Variants in SMARCA2 observed in about 807,000 individuals in gnomAD.
SMARCA2 encodes SWI/SNF-related matrix-associated actin-dependent regulator of chromatin subfamily A member 2.
A neutral mutation model predicts 199.8 loss-of-function variants in SMARCA2; 61 were observed. That is an observed-to-expected ratio of 0.31 (90% confidence interval 0.25 to 0.38). The LOEUF (loss-of-function observed/expected upper bound fraction) is 0.38, where lower values mean the gene tolerates loss of function less well. Among genes scored for constraint, SMARCA2 ranks in the 10% least tolerant of loss-of-function variants. The pLI is 1.00. For missense variants in SMARCA2, 1,344 were observed against 2,012.2 expected (o/e 0.67, Z 6.35); for synonymous variants, 935 against 732.0 (o/e 1.28, Z -4.48).
intron 29 of SMARCA2, among the ~76,000 whole-genome samples, chr9:2,174,924 CAAAAAAAAAAA>C (rs61327057): frequency 8.0e-5 from 5 of 62,320 alleles, no homozygotes; most frequent in African/African-American, 2.1e-4. Flanking sequence ...GACCCTCTCT[CAAAAAAAAAAA>C]AAAAAAAAAA....
Position 2,060,990 on chromosome 9 carries a change from C to T in SMARCA2, c.1692+4C>T, listed in dbSNP as rs369042406. 3.7e-6 allele frequency: 6 copies of T among 1,612,000 alleles called. No homozygotes were observed. The African/African-American group carries it at 5.3e-5, about 14-fold the overall frequency. ...GAAGAGGAGGAGGAGGAAGAAGGTGCGTATCCTAGTGGTGGTGGCTGAGTC... is the reference window on the plus strand; with the variant it reads ...GAAGAGGAGGAGGAGGAAGAAGGTGTGTATCCTAGTGGTGGTGGCTGAGTC... On this transcript the variant is annotated splice_donor_region_variant and intron_variant, in intron 9 of 33. Transcript: ENST00000349721.
chr9:2,157,895 G>A (rs1281039973), intron 27 of SMARCA2: 5 of 398,452 alleles, frequency 1.3e-5, no homozygotes, highest in Non-Finnish European at 2.2e-5. Context: ...TGGTTGGTGT[G>A]TGTCAGGATG....
chr9:2,186,618 C>T (rs560435066), intron 32 of SMARCA2, among the ~76,000 whole-genome samples: 1 of 152,274 alleles, frequency 6.6e-6, no homozygotes, highest in South Asian at 2.1e-4. Flanking sequence ...CTCCACCTCC[C>T]AGGTTCAAGT....
At chr9:2,090,822 G>A (rs1822022429) in intron 19 of SMARCA2, among the ~76,000 whole-genome samples, 1 of 151,844 alleles carries the variant, frequency 6.6e-6, no homozygotes, top group Admixed American at 6.6e-5. Context: ...TGGCTGGGCT[G>A]ATGTTCATTT....
At chr9:2,082,350 T>TGTGTGTGTGA (rs370220959) in intron 15 of SMARCA2, among the ~76,000 whole-genome samples, 89 of 140,740 alleles carry the variant, frequency 6.3e-4, no homozygotes, top group Middle Eastern at 3.7e-3. Context: ...TGTGTGTGTG[T>TGTGTGTGTGA]GATTTCTTTG....
intron 27 of SMARCA2, among the ~76,000 whole-genome samples, chr9:2,154,201 A>G (rs1042879110): frequency 1.3e-5 from 2 of 152,188 alleles, no homozygotes; most frequent in African/African-American, 4.8e-5. Flanking sequence ...TTAAATGACT[A>G]AATGTACCCA....
At chr9:2,160,059 G>A (rs1825582855) in intron 27 of SMARCA2, 2 of 944,732 alleles carry the variant, frequency 2.1e-6, no homozygotes, top group East Asian at 2.7e-5. Flanking sequence ...ACTGTTGACA[G>A]CCTTGCATGC....
At chr9:2,057,206 C>T (rs984996003) in intron 7 of SMARCA2, among the ~76,000 whole-genome samples, 2 of 152,242 alleles carry the variant, frequency 1.3e-5, no homozygotes, top group Admixed American at 6.5e-5. Context: ...AGGGTACTAG[C>T]ATGGCTGGGC....
chr9:2,064,102 C>T (rs759996734), intron 9 of SMARCA2, among the ~76,000 whole-genome samples: 12 of 152,128 alleles, frequency 7.9e-5, no homozygotes, highest in Admixed American at 3.3e-4. Flanking sequence ...TTTAGCGTGA[C>T]CTTGAGGTTT....
Position 2,016,098 on chromosome 9 carries a change from C to A in SMARCA2, c.-37+694C>A, listed in dbSNP as rs1381151932. 1 of 152,280 alleles carries A rather than the reference C, an allele frequency of 6.6e-6. No homozygotes were observed. The highest frequency in any genetic ancestry group is 1.5e-5 in the Non-Finnish European group (1 of 68,126). The allele number at this position is 152,280 out of a possible 1,614,324, so 9.4% of individuals were successfully genotyped here. A position where few individuals can be genotyped will look rare whatever the true frequency, so the allele number is the denominator to read the frequency against. On this transcript the variant is annotated intron_variant, in intron 1 of 33. Coordinates refer to ENST00000349721, the MANE Select transcript of SMARCA2 (RefSeq NM_003070.5). The surrounding 1 kb of genome is among the most constrained non-coding windows in gnomAD (Gnocchi z 5.6). ...CGTGAGCGGATCGCAGCGGGAGAAG[C>A]CTGAGCTGACGCGCGAAGGAGGTAG...
intron 4 of SMARCA2, chr9:2,044,136 A>G (rs748522820): frequency 1.3e-5 from 2 of 152,286 alleles, no homozygotes; most frequent in Admixed American, 6.5e-5. Flanking sequence ...ATAAAACCTA[A>G]TGAATGGGTA....
chr9:2,104,279 C>G lies in SMARCA2; in HGVS notation c.3292+110C>G. ...AGAAGGGGTAAAATTGAAGAATTGA[C>G]TAGAAGCATTGGGAGCAGTTTTTCT... On this transcript the variant is annotated intron_variant, in intron 23 of 33. Transcript: ENST00000349721. The surrounding 1 kb of genome is among the most constrained non-coding windows in gnomAD (Gnocchi z 4.0). 1 of 1,019,198 alleles carries G rather than the reference C, an allele frequency of 9.8e-7. No individual in the cohort carries two copies. Among genetic ancestry groups the G allele is most frequent in the Non-Finnish European group, 1.4e-6 (1 of 698,830 alleles). 63.1% of individuals were successfully genotyped at this position (1,019,198 alleles called of 1,614,324 possible). A position where few individuals can be genotyped will look rare whatever the true frequency, so the allele number is the denominator to read the frequency against.
At chr9:2,047,617 C>T in intron 5 of SMARCA2, 133 bp downstream of exon 5, 1 of 1,106,112 alleles carries the variant, frequency 9.0e-7, no homozygotes, top group Non-Finnish European at 1.2e-6. Flanking sequence ...AAACTTTCAT[C>T]CACTCCTGGG....
At chr9:2,075,210 T>A (rs1821269729) in intron 12 of SMARCA2, 1 of 152,648 alleles carries the variant, frequency 6.6e-6, no homozygotes, top group Non-Finnish European at 1.5e-5. Context: ...GAAGGAGTTG[T>A]GCCAAGGCCT....
At chr9:2,121,520 C>G (rs1211120498) in intron 26 of SMARCA2, among the ~76,000 whole-genome samples, 2 of 152,142 alleles carry the variant, frequency 1.3e-5, no homozygotes, top group Non-Finnish European at 2.9e-5. Context: ...TCTCTGCCAG[C>G]TACAGATTAA....
chr9:2,058,014 C>T (rs1820429965), intron 7 of SMARCA2: 2 of 253,886 alleles, frequency 7.9e-6, no homozygotes, highest in Non-Finnish European at 1.5e-5. Flanking sequence ...TTTCAGTCTT[C>T]GATCTTTCCA....
chr9:2,083,421 A>T lies in SMARCA2; in HGVS notation c.2415+8A>T. 6.3e-7 allele frequency: 1 copy of T among 1,585,194 alleles called. No individual in the cohort carries two copies. The highest frequency in any genetic ancestry group is 1.1e-5 in the South Asian group (1 of 88,446). On this transcript the variant is annotated splice_region_variant and intron_variant, in intron 16 of 33. Coordinates refer to ENST00000349721, the MANE Select transcript of SMARCA2 (RefSeq NM_003070.5). ...GTGAAGATTTCTTACAAGGTTTGGA[A>T]TGCTGTATTTATATATAAATGTGGA...
At chr9:2,128,840 C>A (rs1168281658) in intron 27 of SMARCA2, among the ~76,000 whole-genome samples, 1 of 152,152 alleles carries the variant, frequency 6.6e-6, no homozygotes, top group African/African-American at 2.4e-5. Context: ...GGCTTGGATT[C>A]TGAAGGGGGA....
At chr9:2,178,290 C>A (rs1191377857) in intron 29 of SMARCA2, among the ~76,000 whole-genome samples, 1 of 152,104 alleles carries the variant, frequency 6.6e-6, no homozygotes, top group Non-Finnish European at 1.5e-5. Context: ...CCACTTACCC[C>A]ATGTCTCATC....
Sources: gnomAD v4.1 joint callset for allele counts (sites outside exome capture counted in the v4.1 genomes callset) on GRCh38, gnomAD v4.1.1 for gene constraint, Gnocchi (gnomAD v3.1) non-coding constraint, MANE v1.5 for transcripts, NCBI Gene and HGNC (gene_info 2026-07-23, HGNC 2026-07-21) for gene names.